The following GUCY1B1 variants were observed in gnomAD, a reference collection of about 807,000 sequenced individuals.
GUCY1B1 encodes guanylate cyclase soluble subunit beta-1.
Under a neutral mutation model 71.0 loss-of-function variants are expected in GUCY1B1, and 43 were observed. The observed-to-expected ratio is 0.61, with a 90% CI of 0.47 to 0.78. GUCY1B1 has a LOEUF of 0.78. GUCY1B1 is among the 30% of genes least tolerant of loss of function. GUCY1B1 has a pLI of 0.00. For synonymous variants in GUCY1B1, 266 were observed against 259.7 expected (o/e 1.02, Z -0.23); for missense variants, 535 against 754.1 (o/e 0.71, Z 3.40).
rs577364123 is a variant in GUCY1B1, at chr4:155,795,930, T to C, written c.844-447T>C. Among the ~76,000 whole-genome samples the C allele has an allele frequency of 5.9e-5, 9 of 152,308 alleles. No homozygotes were observed. In the South Asian group the frequency reaches 1.4e-3, roughly 25 times the overall value. On this transcript the variant is annotated intron_variant, in intron 7 of 13. Coordinates refer to ENST00000264424, the MANE Select transcript of GUCY1B1 (RefSeq NM_000857.5). Reference sequence around the variant, plus strand: ...TGCTGGGATCTCACGGTTTCTGTTCTTGGGATAGATACAGCAAAAGTCATT... The same window carrying C: ...TGCTGGGATCTCACGGTTTCTGTTCCTGGGATAGATACAGCAAAAGTCATT...
At chr4:155,803,465 T>G (rs1740094532) in intron 10 of GUCY1B1, among the ~76,000 whole-genome samples, 159 bp from the exon 11 acceptor site, 1 of 152,194 alleles carries the variant, frequency 6.6e-6, no homozygotes, top group Admixed American at 6.6e-5. Context: ...CAAGGTTTCA[T>G]TTTGTTGGAG....
At position 155,786,663 on chromosome 4, in the gene GUCY1B1, C is replaced by T. The variant is rs532009906; in HGVS notation, c.298-3051C>T. On this transcript the variant is annotated intron_variant, in intron 4 of 13. Transcript: ENST00000264424. ...TTCTTTTTTTTTCTCTTAGTAGAGA[C>T]GGGGTTTCACCGTGTTAGCCAGGAT... Among the ~76,000 whole-genome samples the T allele has an allele frequency of 2.4e-4, 36 of 151,616 alleles. No individual in the cohort carries two copies. In the South Asian group the frequency reaches 2.9e-3, roughly 12 times the overall value.
intron 2 of GUCY1B1, among the ~76,000 whole-genome samples, chr4:155,761,166 G>A (rs1382036118): frequency 6.6e-6 from 1 of 152,148 alleles, no homozygotes; most frequent in Non-Finnish European, 1.5e-5. Flanking sequence ...TGAATCCAAT[G>A]AGAACATAGG....
intron 6 of GUCY1B1, among the ~76,000 whole-genome samples, chr4:155,794,500 A>T (rs1739403458): frequency 6.6e-6 from 1 of 152,198 alleles, no homozygotes; most frequent in Admixed American, 6.5e-5. Flanking sequence ...AAAAGAACTA[A>T]AACACAAAAT....
intron 1 of GUCY1B1, chr4:155,759,564 G>T (rs1236864929): frequency 1.9e-6 from 1 of 540,228 alleles, no homozygotes; most frequent in South Asian, 2.6e-5. Flanking sequence ...GGAAGATAGC[G>T]TGGGGGTGGG....
At chr4:155,761,285 G>C (rs142804336) in intron 2 of GUCY1B1, among the ~76,000 whole-genome samples, 107 of 152,210 alleles carry the variant, frequency 7.0e-4, no homozygotes, top group African/African-American at 2.4e-3. Flanking sequence ...AAAAAAGATT[G>C]TTAACAGTAT....
chr4:155,775,268 A>G (rs961966847), intron 3 of GUCY1B1, among the ~76,000 whole-genome samples, 200 bp downstream of exon 3: 2 of 152,162 alleles, frequency 1.3e-5, no homozygotes, highest in African/African-American at 4.8e-5. Context: ...AATTCTTTAG[A>G]GAATAGAAAA....
chr4:155,778,458 A>G (rs1738205921), intron 4 of GUCY1B1, among the ~76,000 whole-genome samples: 1 of 152,226 alleles, frequency 6.6e-6, no homozygotes. Flanking sequence ...TTGCTGGAAA[A>G]TGATGTCAGT....
rs985200523 is a variant in GUCY1B1 at position 155,785,268 on chromosome 4, A to G, written c.298-4446A>G. On this transcript the variant is annotated intron_variant, in intron 4 of 13. Transcript: ENST00000264424. ...TTTTGATTTTATGAAGCCTAGAAGAATGAATCAAAGCATATTTCAGATTTA... is the reference window on the plus strand; with the variant it reads ...TTTTGATTTTATGAAGCCTAGAAGAGTGAATCAAAGCATATTTCAGATTTA... 16 of 1,401,410 alleles carry G rather than the reference A, an allele frequency of 1.1e-5. No homozygotes were observed. In the Admixed American group the frequency reaches 3.2e-4, roughly 28 times the overall value. The allele number at this position is 1,401,410 out of a possible 1,614,324, so 86.8% of individuals were successfully genotyped here.
At chr4:155,805,078 C>T in intron 12 of GUCY1B1, 25 bp from the exon 13 acceptor site, 1 of 1,602,046 alleles carries the variant, frequency 6.2e-7, no homozygotes, top group South Asian at 1.1e-5. Context: ...ACTTCTCTCT[C>T]TACTCCCCTT....
At chr4:155,795,483 T>C in intron 7 of GUCY1B1, 26 bp downstream of exon 7, 1 of 1,085,480 alleles carries the variant, frequency 9.2e-7, no homozygotes, top group South Asian at 1.3e-5. Context: ...TTTCATTAAA[T>C]GTGAGAAAGG....
intron 5 of GUCY1B1, among the ~76,000 whole-genome samples, chr4:155,791,119 CTT>C (rs929977568): frequency 3.5e-5 from 5 of 143,576 alleles, no homozygotes; most frequent in Non-Finnish European, 1.5e-5. Context: ...CATTTCCAAT[CTT>C]TTTTTTTTTT....
chr4:155,785,524 A>G (rs1356133185), intron 4 of GUCY1B1, among the ~76,000 whole-genome samples: 1 of 152,138 alleles, frequency 6.6e-6, no homozygotes. Flanking sequence ...ATGAACTATC[A>G]TCTTTGTTTA....
At chr4:155,798,413 A>G (rs1437301929) in intron 8 of GUCY1B1, among the ~76,000 whole-genome samples, 1 of 152,108 alleles carries the variant, frequency 6.6e-6, no homozygotes. Context: ...TTCTCTGCTC[A>G]TGGGCAGGTC....
chr4:155,759,360 G>T lies in GUCY1B1; in HGVS notation c.3+217G>T, dbSNP rs904252764. The T allele has an allele frequency of 4.8e-5, 27 of 562,894 alleles. No individual in the cohort carries two copies. The African/African-American group carries it at 5.0e-4, about 10-fold the overall frequency. The allele number at this position is 562,894 out of a possible 1,614,324, so 34.9% of individuals were successfully genotyped here. A position where few individuals can be genotyped will look rare whatever the true frequency, so the allele number is the denominator to read the frequency against. The stretch of plus-strand genomic sequence containing the variant: ...ATCGGTGCCTTTGCTTCCCAGGCGG[G>T]TTTGCCGCTCCACACCGCAGCTTCC... On this transcript the variant is annotated intron_variant, in intron 1 of 13. Coordinates refer to ENST00000264424, the MANE Select transcript of GUCY1B1 (RefSeq NM_000857.5).
intron 4 of GUCY1B1, among the ~76,000 whole-genome samples, chr4:155,786,271 CTTTTTTTTTTT>C (rs33996424): frequency 1.6e-5 from 2 of 123,778 alleles, no homozygotes; most frequent in Non-Finnish European, 1.6e-5. Context: ...GTTCAATTTC[CTTTTTTTTTTT>C]TTTTTTTTTG....
In GUCY1B1 at chr4:155,806,660, G is replaced by A; in HGVS notation, c.*251G>A. The stretch of plus-strand genomic sequence containing the variant: ...GATGTGGATGATGTGAGCTTCATGT[G>A]TCTTAAAATCTACTACAAGCATTAC... On this transcript the variant is annotated 3_prime_UTR_variant, in exon 14 of 14. Transcript: ENST00000264424. 4.9e-6 allele frequency: 2 copies of A among 404,588 alleles called. No homozygotes were observed. The highest frequency in any genetic ancestry group is 8.8e-6 in the Non-Finnish European group (2 of 227,456). 25.1% of individuals were successfully genotyped at this position (404,588 alleles called of 1,614,324 possible).
intron 12 of GUCY1B1, 65 bp downstream of exon 12, chr4:155,804,812 T>A (rs181076219): frequency 1.1e-4 from 151 of 1,405,822 alleles, no homozygotes; most frequent in Middle Eastern, 5.3e-4. Context: ...TGTGGTTTAA[T>A]TCTCTGAGAG....
intron 8 of GUCY1B1, 48 bp from the exon 9 acceptor site, chr4:155,799,829 C>A: frequency 9.2e-7 from 1 of 1,085,162 alleles, no homozygotes; most frequent in Non-Finnish European, 1.4e-6. Flanking sequence ...ATTGCATTGT[C>A]ATGTATATAA....
Sources: allele counts gnomAD v4.1 joint callset (sites outside exome capture counted in the v4.1 genomes callset), GRCh38; gene constraint gnomAD v4.1.1; transcripts MANE v1.5; gene names NCBI Gene and HGNC (gene_info 2026-07-23, HGNC 2026-07-21).